The following RAB11FIP4 variants were observed in gnomAD, a reference collection of about 807,000 sequenced individuals.
RAB11FIP4 encodes rab11 family-interacting protein 4.
RAB11FIP4 carries 23 observed loss-of-function variants against 74.3 expected under a neutral mutation model. The ratio of observed to expected loss-of-function variants is 0.31; its 90% CI spans 0.22 to 0.44. The LOEUF (loss-of-function observed/expected upper bound fraction) is 0.44. RAB11FIP4 is among the 20% of genes least tolerant of loss of function. RAB11FIP4 has a pLI of 1.00. For missense variants in RAB11FIP4, 630 were observed against 863.9 expected, an observed-to-expected ratio of 0.73 and a Z score of 3.39; for synonymous variants, 360 against 359.9, an observed-to-expected ratio of 1.00 and a Z score of 0.00.
At chr17:31,528,807 G>C (rs780581119) in intron 13 of RAB11FIP4, 29 bp downstream of exon 13, 32 of 1,588,872 alleles carry the variant, frequency 2.0e-5, no homozygotes, top group Non-Finnish European at 2.5e-5. Context: ...GTGTCCAGTG[G>C]GGCAGGGTGG....
chr17:31,477,260 G>A (rs551281746), intron 3 of RAB11FIP4, among the ~76,000 whole-genome samples: 11 of 152,338 alleles, frequency 7.2e-5, no homozygotes, highest in Middle Eastern at 3.4e-3. Context: ...TCAGGAGGCC[G>A]CTAAATCTGA....
chr17:31,409,907 G>A (rs933036780), intron 1 of RAB11FIP4, among the ~76,000 whole-genome samples: 3 of 152,136 alleles, frequency 2.0e-5, no homozygotes, highest in African/African-American at 7.2e-5. Flanking sequence ...TCTGCTTCTT[G>A]AGGCTGCTAG....
Position 31,517,635 on chromosome 17 carries a change from GCT to G in RAB11FIP4, c.337-9_337-8del. 2 of 1,584,992 alleles carry G rather than the reference GCT, an allele frequency of 1.3e-6. No individual in the cohort carries two copies. Among genetic ancestry groups the G allele is most frequent in the Non-Finnish European group, 1.7e-6 (2 of 1,165,698 alleles). On this transcript the variant is annotated splice_polypyrimidine_tract_variant and intron_variant, in intron 3 of 14. Coordinates refer to ENST00000621161, the MANE Select transcript of RAB11FIP4 (RefSeq NM_032932.6). ...AGCTGGCCTCACTTATCTTGTCTCT[GCT>G]CTCTCTTTCCCAGGGCAGCGAGGTC...
chr17:31,496,937 C>T (rs905954655), intron 3 of RAB11FIP4, among the ~76,000 whole-genome samples: 1 of 152,246 alleles, frequency 6.6e-6, no homozygotes, highest in Non-Finnish European at 1.5e-5. Flanking sequence ...AATCCCAGCC[C>T]TGCGACCTTT....
chr17:31,534,623 G>A lies in RAB11FIP4; in HGVS notation c.*2891G>A, dbSNP rs1046879530. On this transcript the variant is annotated 3_prime_UTR_variant, in exon 15 of 15. Coordinates refer to ENST00000621161, the MANE Select transcript of RAB11FIP4 (RefSeq NM_032932.6). ...TGATGATTAGACTGAATCCTCAGAC[G>A]TTCTGGTTTGATTGTTGTGGGTGTA... The A allele has an allele frequency of 3.3e-5, 5 of 152,166 alleles. No homozygotes were observed. Among genetic ancestry groups the A allele is most frequent in the African/African-American group, 4.8e-5 (2 of 41,426 alleles). The allele number at this position is 152,166 out of a possible 1,614,324, so 9.4% of individuals were successfully genotyped here. A position where few individuals can be genotyped will look rare whatever the true frequency, so the allele number is the denominator to read the frequency against.
chr17:31,427,401 A>C (rs1201174931), intron 1 of RAB11FIP4, among the ~76,000 whole-genome samples: 1 of 152,164 alleles, frequency 6.6e-6, no homozygotes, highest in Non-Finnish European at 1.5e-5. Flanking sequence ...GGGACCATGC[A>C]GTGGCCCTCA....
intron 3 of RAB11FIP4, among the ~76,000 whole-genome samples, chr17:31,457,176 G>A (rs937401175): frequency 1.3e-5 from 2 of 152,130 alleles, no homozygotes; most frequent in Non-Finnish European, 2.9e-5. Context: ...CGTGTTTTAG[G>A]TAGAGAATGG....
At chr17:31,505,369 C>G (rs1191291027) in intron 3 of RAB11FIP4, among the ~76,000 whole-genome samples, 1 of 131,610 alleles carries the variant, frequency 7.6e-6, no homozygotes, top group Non-Finnish European at 1.5e-5. Flanking sequence ...CTCTAATTCT[C>G]TTGTTTGCTT....
At chr17:31,526,222 C>T (rs558802394) in intron 10 of RAB11FIP4, 1 of 152,392 alleles carries the variant, frequency 6.6e-6, no homozygotes, top group South Asian at 2.1e-4. Flanking sequence ...GCTCAGCCCG[C>T]CTCGGCAGCT....
intron 3 of RAB11FIP4, among the ~76,000 whole-genome samples, chr17:31,511,852 G>C (rs1224082182): frequency 6.6e-6 from 1 of 152,234 alleles, no homozygotes; most frequent in Non-Finnish European, 1.5e-5. Context: ...TACAAAAGAA[G>C]GGGTGACTTG....
chr17:31,504,184 G>T (rs2072273524), intron 3 of RAB11FIP4, among the ~76,000 whole-genome samples: 1 of 145,454 alleles, frequency 6.9e-6, no homozygotes, highest in African/African-American at 2.8e-5. Flanking sequence ...AGGCTGGAGT[G>T]CAGTGGCGCG....
chr17:31,527,498 G>C (rs1469270099), intron 10 of RAB11FIP4: 1 of 224,546 alleles, frequency 4.5e-6, no homozygotes, highest in Non-Finnish European at 8.7e-6. Context: ...CTATTCAGGA[G>C]GCTGAGGCAC....
chr17:31,489,015 C>A (rs1194667225), intron 3 of RAB11FIP4, among the ~76,000 whole-genome samples: 4 of 152,236 alleles, frequency 2.6e-5, no homozygotes, highest in African/African-American at 9.6e-5. Flanking sequence ...TTCCCTTTTC[C>A]CTCACCCTGC....
intron 1 of RAB11FIP4, among the ~76,000 whole-genome samples, chr17:31,394,340 T>G (rs1030402408): frequency 1.3e-5 from 2 of 152,202 alleles, no homozygotes; most frequent in Non-Finnish European, 2.9e-5. Context: ...ATCATGACTT[T>G]TCTGCTTCAA....
chr17:31,444,420 G>C (rs181624908), intron 3 of RAB11FIP4, among the ~76,000 whole-genome samples: 1 of 151,064 alleles, frequency 6.6e-6, no homozygotes, highest in Non-Finnish European at 1.5e-5. Context: ...TAAGATCCTC[G>C]ATTTGTGTCT....
chr17:31,516,760 C>T (rs538271258), intron 3 of RAB11FIP4, among the ~76,000 whole-genome samples: 2 of 152,358 alleles, frequency 1.3e-5, no homozygotes, highest in South Asian at 2.1e-4. Context: ...AGCCACCGTG[C>T]CTAGAGATTT....
chr17:31,531,743 T>A lies in RAB11FIP4; in HGVS notation c.*11T>A. On this transcript the variant is annotated 3_prime_UTR_variant, in exon 15 of 15. Transcript: ENST00000621161. The stretch of plus-strand genomic sequence containing the variant: ...GAGATCAAACACTAAGGCACGGGGC[T>A]GGCTGCAGAGCAGCCTTAGGACCCT... The A allele has an allele frequency of 6.3e-7, 1 of 1,584,180 alleles. No individual in the cohort carries two copies. Among genetic ancestry groups the A allele is most frequent in the South Asian group, 1.1e-5 (1 of 90,508 alleles).
intron 3 of RAB11FIP4, among the ~76,000 whole-genome samples, chr17:31,444,121 C>T (rs1471304146): frequency 1.3e-5 from 2 of 152,224 alleles, no homozygotes; most frequent in Non-Finnish European, 2.9e-5. Context: ...ACCCTCGCTT[C>T]ATTTCATCCA....
chr17:31,456,360 C>T (rs1371706373), intron 3 of RAB11FIP4, among the ~76,000 whole-genome samples: 2 of 152,114 alleles, frequency 1.3e-5, no homozygotes, highest in Non-Finnish European at 2.9e-5. Flanking sequence ...ACATGCGGCA[C>T]CACTCTCAGT....
Sources: allele counts gnomAD v4.1 joint callset (sites outside exome capture counted in the v4.1 genomes callset), GRCh38; gene constraint gnomAD v4.1.1; transcripts MANE v1.5; gene names NCBI Gene and HGNC (gene_info 2026-07-23, HGNC 2026-07-21).